Variants in STK3 observed in about 807,000 individuals in gnomAD.
STK3 encodes serine/threonine kinase 3.
A neutral mutation model predicts 58.0 loss-of-function variants in STK3; 41 were observed. The ratio of observed to expected loss-of-function variants is 0.71; its 90% CI spans 0.55 to 0.92. The LOEUF is 0.92. STK3 is among the 40% of genes least tolerant of loss of function. The pLI, the probability that STK3 is intolerant of heterozygous loss-of-function variation, is 0.00. For synonymous variants in STK3, 170 were observed against 191.0 expected, an observed-to-expected ratio of 0.89 and a Z score of 0.91; for missense variants, 479 against 602.7, an observed-to-expected ratio of 0.79 and a Z score of 2.15.
the STK3 span, among the ~76,000 whole-genome samples, chr8:98,346,519 A>C: frequency 1.2e-4 from 19 of 152,030 alleles, 1 homozygote; most frequent in African/African-American, 4.4e-4. Context: ...ATATGAAAAT[A>C]AAATTTCATA....
chr8:98,639,443 T>G (rs540127244), intron 6 of STK3, among the ~76,000 whole-genome samples: 1 of 152,268 alleles, frequency 6.6e-6, no homozygotes, highest in African/African-American at 2.4e-5. Flanking sequence ...CTGAAATAGA[T>G]GGGATTTTAA....
At position 98,575,024 on chromosome 8, in the gene STK3, T is replaced by C. The variant is rs555737518; in HGVS notation, c.948+4640A>G. 7.9e-5 allele frequency among the ~76,000 whole-genome samples: 12 copies of C among 152,024 alleles called. 1 individual carries two copies. The highest frequency in any genetic ancestry group is 2.7e-4 in the African/African-American group (11 of 41,474). On this transcript the variant is annotated intron_variant, in intron 8 of 10. Coordinates refer to ENST00000419617, the MANE Select transcript of STK3 (RefSeq NM_006281.4). The stretch of plus-strand genomic sequence containing the variant: ...ATTGTACATTGGCTATTCGGGGTGG[T>C]GGGGGTGAGGTAAGAAACATCTCTT...
intron 4 of STK3, among the ~76,000 whole-genome samples, chr8:98,724,286 C>T (rs765698458): frequency 6.6e-5 from 10 of 152,192 alleles, no homozygotes; most frequent in Non-Finnish European, 1.3e-4. Context: ...CCTCGACCAT[C>T]TACCTTACCA....
intron 6 of STK3, among the ~76,000 whole-genome samples, chr8:98,700,162 T>C (rs1028686841): frequency 1.3e-5 from 2 of 152,208 alleles, no homozygotes; most frequent in African/African-American, 4.8e-5. Flanking sequence ...CGTAGGACCC[T>C]CTGATCCAAG....
At chr8:98,354,083 T>C in the STK3 span, among the ~76,000 whole-genome samples, 3 of 152,224 alleles carry the variant, frequency 2.0e-5, no homozygotes, top group Non-Finnish European at 4.4e-5. Flanking sequence ...CTGGTCTTTA[T>C]GTCACCATTC....
chr8:98,616,789 C>T (rs1456805783), intron 6 of STK3, among the ~76,000 whole-genome samples: 1 of 150,926 alleles, frequency 6.6e-6, no homozygotes, highest in Non-Finnish European at 1.5e-5. Context: ...GCACCCAATA[C>T]AGGAGCACCC....
intron 1 of STK3, among the ~76,000 whole-genome samples, chr8:98,807,868 C>T (rs1048635001): frequency 6.6e-6 from 1 of 152,142 alleles, no homozygotes; most frequent in Admixed American, 6.5e-5. Context: ...ATGTTAAGAA[C>T]AGAGAAAAAG....
chr8:98,629,944 G>A (rs1182287895), intron 6 of STK3, among the ~76,000 whole-genome samples: 6 of 151,930 alleles, frequency 3.9e-5, no homozygotes, highest in Admixed American at 1.3e-4. Flanking sequence ...TAATAATCAC[G>A]CCAGGGCCAG....
chr8:98,602,481 G>A (rs1465297144), intron 6 of STK3, among the ~76,000 whole-genome samples: 3 of 152,186 alleles, frequency 2.0e-5, no homozygotes, highest in East Asian at 1.9e-4. Flanking sequence ...CCAGAACTGT[G>A]AGCAATACAT....
intron 3 of STK3, among the ~76,000 whole-genome samples, chr8:98,842,370 G>T (rs1836025993): frequency 6.6e-6 from 1 of 152,148 alleles, no homozygotes; most frequent in African/African-American, 2.4e-5. Context: ...GTCCTAGCAG[G>T]TGGCAAAACA....
chr8:98,926,172 G>C (rs374482551), intron 1 of STK3, among the ~76,000 whole-genome samples: 1 of 152,116 alleles, frequency 6.6e-6, no homozygotes, highest in Admixed American at 6.6e-5. Flanking sequence ...TTCAAATTGC[G>C]CCTGACCATT....
intron 6 of STK3, among the ~76,000 whole-genome samples, chr8:98,617,270 C>A (rs1817827589): frequency 6.9e-6 from 1 of 144,204 alleles, no homozygotes; most frequent in African/African-American, 2.6e-5. Flanking sequence ...CCAACGAGAA[C>A]AAAGACACAA....
chr8:98,922,607 C>A (rs1387310051), intron 1 of STK3, among the ~76,000 whole-genome samples: 1 of 152,090 alleles, frequency 6.6e-6, no homozygotes, highest in Non-Finnish European at 1.5e-5. Context: ...AATGAACAAA[C>A]AAAACAGGAA....
intron 10 of STK3, among the ~76,000 whole-genome samples, chr8:98,466,713 G>A (rs111844494): frequency 4.6e-5 from 7 of 152,330 alleles, no homozygotes; most frequent in Middle Eastern, 3.4e-3. Context: ...CAGAAAGCGT[G>A]TGTATGTATT....
At chr8:98,386,732 C>A (rs1326293750) in intron 1 of STK3, among the ~76,000 whole-genome samples, 2 of 152,178 alleles carry the variant, frequency 1.3e-5, no homozygotes, top group Non-Finnish European at 1.5e-5. Flanking sequence ...GTAATCCCAG[C>A]ACTTTGGGAG....
At chr8:98,867,242 C>G (rs1259184930) in intron 3 of STK3, among the ~76,000 whole-genome samples, 1 of 152,040 alleles carries the variant, frequency 6.6e-6, no homozygotes, top group Non-Finnish European at 1.5e-5. Flanking sequence ...ATGGTGAAAC[C>G]CTGCCTCTAC....
chr8:98,633,634 T>A (rs1819420830), intron 6 of STK3: 1 of 728,128 alleles, frequency 1.4e-6, no homozygotes, highest in Non-Finnish European at 2.6e-6. Context: ...GTTACAGCAG[T>A]GGCGTTTAAT....
At chr8:98,536,241 A>G (rs979780026) in intron 9 of STK3, among the ~76,000 whole-genome samples, 2 of 152,132 alleles carry the variant, frequency 1.3e-5, no homozygotes, top group Admixed American at 6.6e-5. Context: ...GAAAGTATCT[A>G]TCTCATTGGA....
At chr8:98,489,009 C>T (rs1433110505) in intron 10 of STK3, among the ~76,000 whole-genome samples, 3 of 152,108 alleles carry the variant, frequency 2.0e-5, no homozygotes, top group African/African-American at 7.2e-5. Flanking sequence ...GATGCCTCCA[C>T]CTTTGACCAT....
Sources: gnomAD v4.1 joint callset for allele counts (sites outside exome capture counted in the v4.1 genomes callset) on GRCh38, gnomAD v4.1.1 for gene constraint, MANE v1.5 for transcripts, NCBI Gene and HGNC (gene_info 2026-07-23, HGNC 2026-07-21) for gene names.